HHAT: variants seen among roughly 807,000 people sequenced by gnomAD.
HHAT encodes the protein protein-cysteine N-palmitoyltransferase HHAT.
Under a neutral mutation model 70.8 loss-of-function variants are expected in HHAT, and 47 were observed. The observed-to-expected ratio is 0.66, with a 90% CI of 0.53 to 0.85. The LOEUF (loss-of-function observed/expected upper bound fraction) is 0.85. Ranked by LOEUF, HHAT falls within the 40% of genes least tolerant of loss-of-function variation. The pLI, the probability that HHAT is intolerant of heterozygous loss-of-function variation, is 0.00. For missense variants in HHAT, 609 were observed against 604.8 expected, an observed-to-expected ratio of 1.01 and a Z score of -0.07; for synonymous variants, 228 against 247.6, an observed-to-expected ratio of 0.92 and a Z score of 0.74.
At chr1:210,336,179 G>T (rs1446730660) in intron 1 of HHAT, among the ~76,000 whole-genome samples, 14 of 151,990 alleles carry the variant, frequency 9.2e-5, no homozygotes, top group Admixed American at 9.2e-4. Context: ...GAGTGCAGTG[G>T]TGTGATCTCA....
At chr1:210,350,987 G>A in intron 2 of HHAT, among the ~76,000 whole-genome samples, 1 of 152,080 alleles carries the variant, frequency 6.6e-6, no homozygotes, top group East Asian at 1.9e-4. Context: ...GGTTCTCCAG[G>A]GAAATAGAAT....
At chr1:210,605,124 T>G (rs1255325954) in intron 10 of HHAT, among the ~76,000 whole-genome samples, 1 of 152,198 alleles carries the variant, frequency 6.6e-6, no homozygotes, top group Non-Finnish European at 1.5e-5. Context: ...AAAGAGGAAA[T>G]GGTACCAGAT....
intron 11 of HHAT, among the ~76,000 whole-genome samples, chr1:210,636,270 G>A (rs1195891858): frequency 2.6e-5 from 4 of 152,152 alleles, no homozygotes; most frequent in Non-Finnish European, 5.9e-5. Context: ...TGACCCAATA[G>A]TTACATTTCC....
At chr1:210,394,085 A>G (rs1663539708) in intron 4 of HHAT, among the ~76,000 whole-genome samples, 1 of 152,108 alleles carries the variant, frequency 6.6e-6, no homozygotes, top group African/African-American at 2.4e-5. Context: ...AGGCTTTAGC[A>G]ATTCTTGCTG....
intron 9 of HHAT, among the ~76,000 whole-genome samples, chr1:210,519,631 A>G (rs2095119858): frequency 6.7e-6 from 1 of 149,984 alleles, no homozygotes; most frequent in South Asian, 2.1e-4. Context: ...GGACTCAAGC[A>G]ATCCGCCTAC....
At chr1:210,640,482 A>G (rs1415852385) in intron 11 of HHAT, among the ~76,000 whole-genome samples, 1 of 152,070 alleles carries the variant, frequency 6.6e-6, no homozygotes, top group Non-Finnish European at 1.5e-5. Context: ...TAAGCTGAGT[A>G]TTGGGCTTTA....
intron 9 of HHAT, among the ~76,000 whole-genome samples, chr1:210,550,929 A>G (rs566530838): frequency 2.7e-5 from 4 of 148,874 alleles, no homozygotes; most frequent in East Asian, 2.2e-4. Flanking sequence ...TGGCCTCCCA[A>G]AGCTCTAGGA....
chr1:210,356,039 C>T (rs747825229), intron 2 of HHAT, among the ~76,000 whole-genome samples: 2 of 152,036 alleles, frequency 1.3e-5, no homozygotes, highest in Non-Finnish European at 2.9e-5. Context: ...ACCTCGGCCT[C>T]CTAAGTAGCT....
chr1:210,523,600 T>TTGTG (rs60537364), intron 9 of HHAT, among the ~76,000 whole-genome samples: 18,125 of 151,500 alleles, frequency 0.12, 1,394 homozygotes, highest in South Asian at 0.23. Context: ...TAAATATAGC[T>TTGTG]TGTGTGTGTG....
chr1:210,625,891 C>G (rs989778589), intron 11 of HHAT, among the ~76,000 whole-genome samples: 2 of 152,212 alleles, frequency 1.3e-5, no homozygotes, highest in African/African-American at 4.8e-5. Flanking sequence ...GCTTACATGT[C>G]ATTGGCCAGA....
At chr1:210,601,140 A>C (rs1424223042) in intron 10 of HHAT, among the ~76,000 whole-genome samples, 7 of 152,098 alleles carry the variant, frequency 4.6e-5, no homozygotes, top group Admixed American at 4.6e-4. Flanking sequence ...AATTCAATGT[A>C]TTGGCCATGT....
At position 210,536,613 on chromosome 1, in the gene HHAT, G is replaced by A. The variant is rs139738709; in HGVS notation, c.1043+23425G>A. On this transcript the variant is annotated intron_variant, in intron 9 of 11. Coordinates refer to ENST00000261458, the MANE Select transcript of HHAT (RefSeq NM_018194.6). Reference sequence around the variant, plus strand: ...TTTCTTGAGTTGGAGAAGGATTTATGTCTCCTAATCAGCAGAAAGTTAATG... The same window carrying A: ...TTTCTTGAGTTGGAGAAGGATTTATATCTCCTAATCAGCAGAAAGTTAATG... Among the ~76,000 whole-genome samples, 1,460 of 152,320 alleles carry A rather than the reference G, an allele frequency of 9.6e-3. 13 individuals are homozygous for A. The highest frequency in any genetic ancestry group is 0.032 in the African/African-American group (1,311 of 41,564).
At chr1:210,425,029 A>G (rs2093020065) in intron 7 of HHAT, among the ~76,000 whole-genome samples, 1 of 152,144 alleles carries the variant, frequency 6.6e-6, no homozygotes. Flanking sequence ...GGACTTTTTA[A>G]TAACAGCCAT....
At chr1:210,342,217 A>C (rs2086102085) in intron 1 of HHAT, among the ~76,000 whole-genome samples, 1 of 152,144 alleles carries the variant, frequency 6.6e-6, no homozygotes. Context: ...CCACAGCATC[A>C]AGGGGCTGCT....
chr1:210,647,344 C>T (rs994936088), intron 11 of HHAT, among the ~76,000 whole-genome samples: 20 of 152,206 alleles, frequency 1.3e-4, no homozygotes, highest in Non-Finnish European at 1.5e-4. Context: ...TTCTGAGGTA[C>T]TAAGAGTGAT....
At chr1:210,638,190 A>G (rs777323709) in intron 11 of HHAT, among the ~76,000 whole-genome samples, 2 of 152,216 alleles carry the variant, frequency 1.3e-5, no homozygotes, top group South Asian at 2.1e-4. Context: ...CTACTCCTGT[A>G]TATGTGCCCA....
chr1:210,487,447 A>G (rs559671086), intron 8 of HHAT, among the ~76,000 whole-genome samples: 1 of 152,294 alleles, frequency 6.6e-6, no homozygotes. Context: ...GACTAGGGTT[A>G]TTAGTATTCT....
At chr1:210,574,291 C>T (rs1320008813) in intron 9 of HHAT, among the ~76,000 whole-genome samples, 1 of 152,140 alleles carries the variant, frequency 6.6e-6, no homozygotes, top group Admixed American at 6.5e-5. Flanking sequence ...CCTTCTGTGG[C>T]TGGGGGATGG....
At chr1:210,452,588 T>G (rs1304923406) in intron 7 of HHAT, among the ~76,000 whole-genome samples, 3 of 152,244 alleles carry the variant, frequency 2.0e-5, no homozygotes, top group Non-Finnish European at 4.4e-5. Context: ...ACTGTTATAT[T>G]CTTTTGAACT....
Sources: allele counts gnomAD v4.1 joint callset (sites outside exome capture counted in the v4.1 genomes callset), GRCh38; gene constraint gnomAD v4.1.1; transcripts MANE v1.5; gene names NCBI Gene and HGNC (gene_info 2026-07-23, HGNC 2026-07-21).